The following BLTP3B variants were observed in gnomAD, a reference collection of about 807,000 sequenced individuals.
BLTP3B encodes the protein bridge-like lipid transfer protein family member 3B.
At chr12:100,111,621 G>C in the BLTP3B span, among the ~76,000 whole-genome samples, 1 of 150,748 alleles carries the variant, frequency 6.6e-6, no homozygotes, top group Admixed American at 6.6e-5. Context: ...GTTTTGTTTT[G>C]TTTTGAGACA....
the BLTP3B span, chr12:100,097,634 A>G: frequency 9.5e-7 from 1 of 1,051,292 alleles, no homozygotes; most frequent in African/African-American, 1.6e-5. Context: ...TATATTCACC[A>G]TGTTTTTATT....
chr12:100,056,607 G>A, the BLTP3B span, among the ~76,000 whole-genome samples: 1 of 151,914 alleles, frequency 6.6e-6, no homozygotes, highest in African/African-American at 2.4e-5. Context: ...GGACGCCGAG[G>A]TGCACGGATC....
At chr12:100,057,554 C>G in the BLTP3B span, 2 of 1,593,450 alleles carry the variant, frequency 1.3e-6, no homozygotes, top group East Asian at 4.5e-5. Flanking sequence ...AATTCTTAAG[C>G]CGTATCATAA....
chr12:100,130,249 C>G, the BLTP3B span, among the ~76,000 whole-genome samples: 1 of 152,186 alleles, frequency 6.6e-6, no homozygotes, highest in Non-Finnish European at 1.5e-5. Context: ...TGTGACCCAC[C>G]ACACCCGGCC....
chr12:100,061,656 CAA>C, the BLTP3B span, among the ~76,000 whole-genome samples: 5,586 of 67,026 alleles, frequency 0.083, 76 homozygotes, highest in South Asian at 0.14. Flanking sequence ...GACTCCGTCT[CAA>C]AAAAAAAAAA....
chr12:100,058,551 T>C, the BLTP3B span: 1 of 1,612,334 alleles, frequency 6.2e-7, no homozygotes, highest in Admixed American at 1.7e-5. Context: ...TTGTTTTCTT[T>C]TTGAAGACAA....
chr12:100,055,079 G>C, the BLTP3B span, among the ~76,000 whole-genome samples: 1 of 152,010 alleles, frequency 6.6e-6, no homozygotes, highest in Non-Finnish European at 1.5e-5. Context: ...CTCCCACCAA[G>C]ATAAAGTAAA....
the BLTP3B span, among the ~76,000 whole-genome samples, chr12:100,062,593 T>G: frequency 6.8e-6 from 1 of 147,792 alleles, no homozygotes; most frequent in Non-Finnish European, 1.5e-5. Context: ...TTTTGTAACT[T>G]TTTTCAGAAA....
chr12:100,133,461 T>C, the BLTP3B span, among the ~76,000 whole-genome samples: 1 of 152,066 alleles, frequency 6.6e-6, no homozygotes, highest in African/African-American at 2.4e-5. Context: ...AGCAGGATGG[T>C]AAAACAAGAG....
the BLTP3B span, chr12:100,050,107 T>A: frequency 7.4e-7 from 1 of 1,346,042 alleles, no homozygotes; most frequent in Non-Finnish European, 9.7e-7. Flanking sequence ...GTGAGACATA[T>A]ATAAAAGTTA....
At chr12:100,142,644 G>C in the BLTP3B span, 2 of 1,607,576 alleles carry the variant, frequency 1.2e-6, no homozygotes, top group Non-Finnish European at 1.7e-6. Context: ...ATGGTACCGA[G>C]GCTGGAGACG....
the BLTP3B span, among the ~76,000 whole-genome samples, chr12:100,109,208 CTCTCT>C: frequency 7.3e-6 from 1 of 137,348 alleles, no homozygotes; most frequent in Non-Finnish European, 1.6e-5. Context: ...CTCTCTCTCT[CTCTCT>C]CCTGCCACCA....
At chr12:100,126,340 T>C in the BLTP3B span, among the ~76,000 whole-genome samples, 2 of 152,096 alleles carry the variant, frequency 1.3e-5, no homozygotes, top group African/African-American at 2.4e-5. Flanking sequence ...TGAAGCCAGA[T>C]CATGAAGGAC....
chr12:100,127,015 G>A, the BLTP3B span, among the ~76,000 whole-genome samples: 1 of 149,606 alleles, frequency 6.7e-6, no homozygotes, highest in Non-Finnish European at 1.5e-5. Flanking sequence ...TTAAAACTTG[G>A]AATACAATCA....
chr12:100,108,282 C>A, the BLTP3B span: 1 of 1,228,448 alleles, frequency 8.1e-7, no homozygotes, highest in Admixed American at 2.5e-5. Flanking sequence ...AATGTTTTTA[C>A]ACAATTATCT....
chr12:100,103,119 T>TGTCTTAATTAAGTA, the BLTP3B span, among the ~76,000 whole-genome samples: 1 of 152,082 alleles, frequency 6.6e-6, no homozygotes, highest in Non-Finnish European at 1.5e-5. Flanking sequence ...AATTAAGACA[T>TGTCTTAATTAAGTA]AGCCATTAAC....
the BLTP3B span, among the ~76,000 whole-genome samples, chr12:100,108,907 G>A: frequency 1.3e-5 from 2 of 152,166 alleles, no homozygotes; most frequent in Admixed American, 1.3e-4. Context: ...GTCACCAGAG[G>A]CTGGAAAGGG....
the BLTP3B span, among the ~76,000 whole-genome samples, chr12:100,056,105 C>T: frequency 6.7e-3 from 1,026 of 152,290 alleles, 9 homozygotes; most frequent in South Asian, 0.016. Context: ...AGTATGAATG[C>T]GTCCCTTTGA....
chr12:100,140,722 AAAAAAAAATATATAT>A, the BLTP3B span, among the ~76,000 whole-genome samples: 6 of 114,850 alleles, frequency 5.2e-5, no homozygotes, highest in African/African-American at 7.8e-5. Flanking sequence ...AAAAAAAAAA[AAAAAAAAATATATAT>A]ATATATATAT....
Sources: gnomAD v4.1 joint callset for allele counts (sites outside exome capture counted in the v4.1 genomes callset) on GRCh38, gnomAD v4.1.1 for gene constraint, MANE v1.5 for transcripts, NCBI Gene and HGNC (gene_info 2026-07-23, HGNC 2026-07-21) for gene names.